Variants in NREP observed in about 807,000 individuals in gnomAD.
The protein encoded by NREP is neuronal regeneration related protein, also known as neuronal regeneration-related protein.
In NREP, 5 loss-of-function variants were observed where a neutral mutation model predicts 8.6. The ratio of observed to expected loss-of-function variants is 0.58; its 90% CI spans 0.30 to 1.22. The LOEUF (loss-of-function observed/expected upper bound fraction) is 1.22, where lower values mean the gene tolerates loss of function less well. NREP is among the 50% of genes most tolerant of loss of function. The pLI is 0.07. For missense variants in NREP, 86 were observed against 82.5 expected, an observed-to-expected ratio of 1.04 and a Z score of -0.17; for synonymous variants, 27 against 28.0, an observed-to-expected ratio of 0.96 and a Z score of 0.11.
intron 2 of NREP, among the ~76,000 whole-genome samples, chr5:111,970,415 T>C (rs956941661): frequency 7.2e-5 from 11 of 152,172 alleles, no homozygotes; most frequent in Admixed American, 6.5e-4. Flanking sequence ...TTTGTATCGG[T>C]GATTCACGGA....
chr5:111,760,526 A>T (rs1438760644), upstream of NREP, among the ~76,000 whole-genome samples: 1 of 152,222 alleles, frequency 6.6e-6, no homozygotes, highest in Non-Finnish European at 1.5e-5. Flanking sequence ...CAGTGTGATA[A>T]GGATGATTGT....
intron 2 of NREP, among the ~76,000 whole-genome samples, chr5:111,832,711 A>C (rs191252870): frequency 1.3e-4 from 20 of 152,316 alleles, no homozygotes; most frequent in Non-Finnish European, 2.1e-4. Context: ...GAAATCTTAG[A>C]AACAACAGGG....
chr5:111,742,877 C>G (rs1438282446), intron 2 of NREP, among the ~76,000 whole-genome samples: 2 of 152,150 alleles, frequency 1.3e-5, no homozygotes. Context: ...AAGGGAGTCA[C>G]TGATCGAGGA....
chr5:111,795,879 T>C (rs1371932501), intron 2 of NREP, among the ~76,000 whole-genome samples: 2 of 152,238 alleles, frequency 1.3e-5, no homozygotes, highest in Non-Finnish European at 2.9e-5. Context: ...ATGAGGTATG[T>C]GCTTTCATTA....
chr5:111,894,447 G>A (rs528478922), intron 2 of NREP, among the ~76,000 whole-genome samples: 2 of 122,524 alleles, frequency 1.6e-5, no homozygotes, highest in Admixed American at 1.6e-4. Flanking sequence ...TAATCTTGAG[G>A]GATTTTTTTT....
exon 1 of NREP, chr5:111,976,930 C>G (rs1756982848): frequency 1.9e-6 from 1 of 533,824 alleles, no homozygotes. Context: ...AACAGTCATT[C>G]TGAACCATAA....
chr5:111,939,023 T>C lies in NREP; in HGVS notation c.135+36251A>G, dbSNP rs78025695. Among the ~76,000 whole-genome samples the C allele has an allele frequency of 8.5e-3, 1,291 of 152,178 alleles. 21 individuals carry two copies. Among genetic ancestry groups the C allele is most frequent in the African/African-American group, 0.029 (1,224 of 41,536 alleles). ...ACTCTGATCTTACTTAGTATCTTAC[T>C]CATAATCTATCTAGGATAGACTCAC... On this transcript the variant is annotated intron_variant, in intron 2 of 3. Transcript: ENST00000395634.
intron 2 of NREP, among the ~76,000 whole-genome samples, chr5:111,866,219 A>C (rs1753661020): frequency 6.6e-6 from 1 of 152,170 alleles, no homozygotes; most frequent in African/African-American, 2.4e-5. Flanking sequence ...CAGGCAACCT[A>C]TAGAATGGGA....
At chr5:111,824,530 T>A (rs999351406) in intron 2 of NREP, among the ~76,000 whole-genome samples, 17 of 152,232 alleles carry the variant, frequency 1.1e-4, no homozygotes, top group East Asian at 1.9e-4. Flanking sequence ...AGCTCTTTTT[T>A]AATGTTTTTT....
chr5:111,931,061 G>A (rs112578372), intron 2 of NREP, among the ~76,000 whole-genome samples: 1 of 151,982 alleles, frequency 6.6e-6, no homozygotes, highest in Non-Finnish European at 1.5e-5. Flanking sequence ...TCTTTGACAA[G>A]GCATTGAGAT....
intron 2 of NREP, among the ~76,000 whole-genome samples, chr5:111,852,674 G>C (rs1006812997): frequency 6.6e-6 from 1 of 152,088 alleles, no homozygotes; most frequent in African/African-American, 2.4e-5. Flanking sequence ...GGGAGGGGGT[G>C]TGTATGTATT....
intron 2 of NREP, among the ~76,000 whole-genome samples, chr5:111,768,186 G>T (rs1287483081): frequency 1.3e-5 from 2 of 152,168 alleles, no homozygotes; most frequent in Non-Finnish European, 2.9e-5. Flanking sequence ...TGTCTGTGAG[G>T]TAGAATTGGT....
Position 111,730,880 on chromosome 5 carries a change from A to G in NREP, c.*41T>C, listed in dbSNP as rs1363474944. The G allele has an allele frequency of 1.2e-6, 2 of 1,608,388 alleles. No homozygotes were observed. Among genetic ancestry groups the G allele is most frequent in the Admixed American group, 1.7e-5 (1 of 59,912 alleles). ...CATATATGATACCATGACCTCATCAATACCCATACACCATATGTAATACAA... is the reference window on the plus strand; with the variant it reads ...CATATATGATACCATGACCTCATCAGTACCCATACACCATATGTAATACAA... On this transcript the variant is annotated 3_prime_UTR_variant, in exon 4 of 4. Transcript: ENST00000257435.
chr5:111,901,690 C>A lies in NREP; in HGVS notation c.135+73584G>T, dbSNP rs181108194. The stretch of plus-strand genomic sequence containing the variant: ...AATAAACAACTAGCTGAAAAAGAAA[C>A]CCCATTTACTAGAGCTACAAAAAAT... On this transcript the variant is annotated intron_variant, in intron 2 of 3. Coordinates refer to the NREP transcript ENST00000395634. Among the ~76,000 whole-genome samples, 397 of 152,008 alleles carry A rather than the reference C, an allele frequency of 2.6e-3. 5 individuals are homozygous for A. The highest frequency in any genetic ancestry group is 2.0e-3 in the Non-Finnish European group (136 of 67,918).
chr5:111,927,414 G>T (rs150315867), intron 2 of NREP, among the ~76,000 whole-genome samples: 57 of 152,202 alleles, frequency 3.7e-4, no homozygotes, highest in African/African-American at 1.3e-3. Context: ...AAGGATGGGT[G>T]GCATGATAAA....
At chr5:111,819,424 T>C (rs1466268929) in intron 2 of NREP, among the ~76,000 whole-genome samples, 1 of 152,138 alleles carries the variant, frequency 6.6e-6, no homozygotes, top group African/African-American at 2.4e-5. Context: ...CTTGTCCAGG[T>C]GTGTTCCCGC....
chr5:111,838,146 A>T lies in NREP; in HGVS notation c.136-102639T>A, dbSNP rs182560864. Among the ~76,000 whole-genome samples, 265 of 152,304 alleles carry T rather than the reference A, an allele frequency of 1.7e-3. 3 individuals are homozygous for T. Among genetic ancestry groups the T allele is most frequent in the African/African-American group, 6.1e-3 (254 of 41,590 alleles). ...TTAATATCAGTAATTAAAACATTTA[A>T]CCCAATATATCTAAAAGACTATTTC... On this transcript the variant is annotated intron_variant, in intron 2 of 3. Transcript: ENST00000395634.
intron 2 of NREP, among the ~76,000 whole-genome samples, chr5:111,846,822 T>C (rs1029086907): frequency 2.6e-5 from 4 of 152,232 alleles, no homozygotes; most frequent in African/African-American, 9.6e-5. Flanking sequence ...AGCTTAACCA[T>C]GCCTAAGGCA....
chr5:111,754,782 T>C (rs1750598636), intron 2 of NREP, among the ~76,000 whole-genome samples: 1 of 152,214 alleles, frequency 6.6e-6, no homozygotes. Flanking sequence ...ACTGAACTCA[T>C]TTAACTGCCT....
Sources: gnomAD v4.1 joint callset for allele counts (sites outside exome capture counted in the v4.1 genomes callset) on GRCh38, gnomAD v4.1.1 for gene constraint, MANE v1.5 for transcripts, NCBI Gene and HGNC (gene_info 2026-07-23, HGNC 2026-07-21) for gene names.